Variants in PYY observed in about 807,000 individuals in gnomAD.
PYY encodes the protein peptide tyrosine tyrosine.
A neutral mutation model predicts 10.3 loss-of-function variants in PYY; 12 were observed. The ratio of observed to expected loss-of-function variants is 1.17; its 90% confidence interval spans 0.75 to 1.89. The LOEUF (loss-of-function observed/expected upper bound fraction) is 1.89, where lower values mean the gene tolerates loss of function less well. PYY is among the 40% of genes most tolerant of loss of function. The pLI is 0.00. For synonymous variants in PYY, 66 were observed against 62.0 expected (o/e 1.06, Z -0.30); for missense variants, 141 against 134.0 (o/e 1.05, Z -0.26).
intron 1 of PYY, among the ~76,000 whole-genome samples, chr17:43,968,626 A>G (rs948394795): frequency 3.3e-5 from 5 of 152,186 alleles, no homozygotes; most frequent in Non-Finnish European, 5.9e-5. Flanking sequence ...AGCCTGGCCA[A>G]TGTGGTGAAA....
chr17:43,984,767 G>C (rs942442694), intron 1 of PYY, among the ~76,000 whole-genome samples: 4 of 152,172 alleles, frequency 2.6e-5, no homozygotes, highest in Non-Finnish European at 4.4e-5. Context: ...AATGCATCTG[G>C]GTGTCAGGCA....
intron 1 of PYY, among the ~76,000 whole-genome samples, chr17:43,972,960 G>A (rs995501738): frequency 5.3e-5 from 8 of 151,846 alleles, no homozygotes; most frequent in East Asian, 1.9e-4. Flanking sequence ...TGATCCGCCC[G>A]CCTCAGCCTC....
At chr17:43,999,439 G>A (rs2049011196) in intron 1 of PYY, among the ~76,000 whole-genome samples, 1 of 152,006 alleles carries the variant, frequency 6.6e-6, no homozygotes, top group Non-Finnish European at 1.5e-5. Flanking sequence ...GGCGGGGGAG[G>A]TGAAGTTAGA....
rs2048933939 is a variant in PYY at position 43,989,111 on chromosome 17, A to G, written c.-463+15280T>C. ...CATAACAGGCTGGGCGCGGTGGCTC[A>G]CGCCTGTAATCCCAAGACTTCGGGA... On this transcript the variant is annotated intron_variant, in intron 1 of 6. Transcript: ENST00000360085. Among the ~76,000 whole-genome samples the G allele has an allele frequency of 3.3e-5, 5 of 151,766 alleles. No homozygotes were observed. In the South Asian group the frequency reaches 8.4e-4, roughly 25 times the overall value.
chr17:43,996,291 G>T (rs1319606861), intron 1 of PYY, among the ~76,000 whole-genome samples: 2 of 152,074 alleles, frequency 1.3e-5, no homozygotes, highest in African/African-American at 4.8e-5. Context: ...AGAGATGCTT[G>T]TCCAGCCCCC....
At chr17:43,960,094 G>T (rs1406693945) in intron 2 of PYY, among the ~76,000 whole-genome samples, 1 of 152,188 alleles carries the variant, frequency 6.6e-6, no homozygotes, top group Admixed American at 6.5e-5. Flanking sequence ...CCCCTTAATA[G>T]ATACCAAATA....
At chr17:43,986,428 C>G (rs1309642569) in intron 1 of PYY, among the ~76,000 whole-genome samples, 3 of 151,668 alleles carry the variant, frequency 2.0e-5, no homozygotes, top group African/African-American at 7.3e-5. Context: ...ATGTGGCTTC[C>G]TGTGCACCCC....
intron 1 of PYY, among the ~76,000 whole-genome samples, chr17:43,974,248 T>C (rs1050104420): frequency 6.6e-6 from 1 of 151,898 alleles, no homozygotes; most frequent in Admixed American, 6.6e-5. Flanking sequence ...AACATTTGTG[T>C]CCCCGGATGC....
At chr17:43,967,197 G>A (rs2048760638) in intron 1 of PYY, among the ~76,000 whole-genome samples, 1 of 150,172 alleles carries the variant, frequency 6.7e-6, no homozygotes, top group East Asian at 1.9e-4. Flanking sequence ...CAGCTACTCG[G>A]GAGGCTGAGG....
At chr17:43,967,282 G>T (rs1446246167) in intron 1 of PYY, among the ~76,000 whole-genome samples, 1 of 152,172 alleles carries the variant, frequency 6.6e-6, no homozygotes, top group Non-Finnish European at 1.5e-5. Flanking sequence ...CAGCCTGGAT[G>T]ACAGAGTGAG....
chr17:43,990,795 T>G (rs925635650), intron 1 of PYY, among the ~76,000 whole-genome samples: 5 of 131,946 alleles, frequency 3.8e-5, no homozygotes, highest in Admixed American at 2.6e-4. Context: ...TTTAATGTTG[T>G]TTTTTTTTTT....
intron 1 of PYY, among the ~76,000 whole-genome samples, chr17:43,974,443 C>A (rs1567931211): frequency 6.6e-6 from 1 of 152,214 alleles, no homozygotes; most frequent in Non-Finnish European, 1.5e-5. Flanking sequence ...TCCGACAAAA[C>A]CTGCTTCAAA....
chr17:43,980,254 C>G (rs753719576), intron 1 of PYY, among the ~76,000 whole-genome samples: 1 of 149,486 alleles, frequency 6.7e-6, no homozygotes, highest in African/African-American at 2.5e-5. Flanking sequence ...ATCTCCACCT[C>G]CGGAGTTTAA....
At chr17:43,965,495 A>T (rs1223041265) in intron 2 of PYY, among the ~76,000 whole-genome samples, 3 of 146,352 alleles carry the variant, frequency 2.0e-5, no homozygotes, top group African/African-American at 5.1e-5. Context: ...AAAAAAAAAA[A>T]TTGTATATAT....
chr17:43,958,675 C>T (rs183241416), upstream of PYY, among the ~76,000 whole-genome samples: 4 of 152,288 alleles, frequency 2.6e-5, no homozygotes, highest in Admixed American at 2.0e-4. Context: ...CCACCACACC[C>T]GGCCCCTAAA....
At chr17:43,977,892 G>A (rs2048858999) in intron 1 of PYY, among the ~76,000 whole-genome samples, 1 of 152,164 alleles carries the variant, frequency 6.6e-6, no homozygotes, top group South Asian at 2.1e-4. Context: ...AGGTTGCATA[G>A]TAAAACATGT....
intron 1 of PYY, among the ~76,000 whole-genome samples, chr17:44,002,436 C>T (rs1458469866): frequency 2.0e-5 from 3 of 152,186 alleles, no homozygotes; most frequent in East Asian, 1.9e-4. Context: ...ATGCCACTGA[C>T]GAGCTGTGTG....
intron 2 of PYY, among the ~76,000 whole-genome samples, chr17:43,962,304 G>A (rs1336353792): frequency 6.6e-6 from 1 of 152,090 alleles, no homozygotes; most frequent in Non-Finnish European, 1.5e-5. Context: ...ATGTAAAAAT[G>A]AGCCATTTTC....
At chr17:43,979,171 G>GGCA (rs928833886) in intron 1 of PYY, among the ~76,000 whole-genome samples, 4 of 152,146 alleles carry the variant, frequency 2.6e-5, no homozygotes, top group African/African-American at 4.8e-5. Flanking sequence ...TTTCCAGATT[G>GGCA]GCAGCAGCAG....
Sources: allele counts gnomAD v4.1 joint callset (sites outside exome capture counted in the v4.1 genomes callset), GRCh38; gene constraint gnomAD v4.1.1; transcripts MANE v1.5; gene names NCBI Gene and HGNC (gene_info 2026-07-23, HGNC 2026-07-21).